Variants in HFM1 observed in about 807,000 individuals in gnomAD.
HFM1 encodes the protein probable ATP-dependent DNA helicase HFM1.
Under a neutral mutation model 192.1 loss-of-function variants are expected in HFM1, and 169 were observed. That is an observed-to-expected ratio of 0.88 (90% CI 0.78 to 1.00). HFM1 has a LOEUF of 1.00. Among genes scored for constraint, HFM1 ranks in the 50% least tolerant of loss-of-function variants. The probability of loss-of-function intolerance (pLI) is 0.00; values close to 1 mark genes in which losing one functional copy is unlikely to be tolerated. For missense variants in HFM1, 1,661 were observed against 1,668.0 expected, an observed-to-expected ratio of 1.00 and a Z score of 0.07; for synonymous variants, 525 against 537.8, an observed-to-expected ratio of 0.98 and a Z score of 0.33.
At chr1:91,375,849 C>A in intron 11 of HFM1, 122 bp from the exon 12 acceptor site, 2 of 695,606 alleles carry the variant, frequency 2.9e-6, no homozygotes, top group Non-Finnish European at 4.9e-6. Context: ...AGTATGCTGT[C>A]TTTTTCAATA....
upstream of HFM1, among the ~76,000 whole-genome samples, chr1:91,407,947 C>G (rs2102254013): frequency 6.6e-6 from 1 of 152,272 alleles, no homozygotes; most frequent in Non-Finnish European, 1.5e-5. Context: ...GGCTGGGCAA[C>G]ACAGCGAGAC....
intron 29 of HFM1, 44 bp from the exon 30 acceptor site, chr1:91,313,539 A>T (rs548586238): frequency 7.3e-7 from 1 of 1,361,270 alleles, no homozygotes; most frequent in Non-Finnish European, 1.0e-6. Flanking sequence ...TTTGTCATAT[A>T]AATCCACATA....
chr1:91,391,742 T>G (rs1663019706), intron 4 of HFM1, among the ~76,000 whole-genome samples: 1 of 152,022 alleles, frequency 6.6e-6, no homozygotes, highest in South Asian at 2.1e-4. Context: ...AAAGCCAAAA[T>G]AAACAAATGG....
intron 13 of HFM1, among the ~76,000 whole-genome samples, chr1:91,369,856 A>G (rs1307517505): frequency 1.3e-5 from 2 of 152,208 alleles, no homozygotes; most frequent in Non-Finnish European, 1.5e-5. Context: ...AGACTAATAA[A>G]GAAGAAAAGA....
chr1:91,353,023 G>T, intron 15 of HFM1, 28 bp downstream of exon 15: 4 of 1,342,500 alleles, frequency 3.0e-6, no homozygotes, highest in South Asian at 1.3e-5. Context: ...ATATTTTATA[G>T]TATCCACGAG....
In HFM1 at chr1:91,274,749, A is replaced by G. The variant is rs767326294; in HGVS notation, c.3649T>C (p.Ser1217Pro). Residue 1217 changes from serine to proline, a missense_variant, in exon 33 of 39, where the codon TCC becomes CCC. Ser to Pro is a moderately conservative substitution (Grantham distance 74, BLOSUM62 -1). Coordinates refer to ENST00000370425, the MANE Select transcript of HFM1 (RefSeq NM_001017975.6). Reference protein sequence around the residue: ...LKEFGFTPKPSLPSISRSEYL... With the variant: ...LKEFGFTPKPPLPSISRSEYL... The stretch of plus-strand genomic sequence containing the variant: ...TTGTACCTTGATATACTAGGAAGGG[A>G]AGGTTTTGGAGTAAAACCAAACTCT... 2 of 1,540,716 alleles carry G rather than the reference A, an allele frequency of 1.3e-6. No individual in the cohort carries two copies. The highest frequency in any genetic ancestry group is 2.3e-5 in the East Asian group (1 of 44,440).
intron 23 of HFM1, among the ~76,000 whole-genome samples, chr1:91,321,255 C>T (rs969385551): frequency 6.6e-6 from 1 of 152,110 alleles, no homozygotes; most frequent in Non-Finnish European, 1.5e-5. Flanking sequence ...ACAAGACTGG[C>T]CAACATGGTG....
chr1:91,275,986 C>A (rs1419250051), intron 32 of HFM1, among the ~76,000 whole-genome samples: 2 of 152,120 alleles, frequency 1.3e-5, no homozygotes, highest in Admixed American at 1.3e-4. Context: ...GCCTCTTCAG[C>A]CTCATCTCTC....
At chr1:91,338,320 G>A (rs1654866634) in intron 20 of HFM1, among the ~76,000 whole-genome samples, 1 of 152,160 alleles carries the variant, frequency 6.6e-6, no homozygotes, top group Non-Finnish European at 1.5e-5. Flanking sequence ...TCCTCTAAGT[G>A]GTTTTGGCCT....
chr1:91,350,275 C>T (rs993623145), intron 18 of HFM1, among the ~76,000 whole-genome samples: 1 of 152,070 alleles, frequency 6.6e-6, no homozygotes, highest in Non-Finnish European at 1.5e-5. Context: ...CCTCTGGAAG[C>T]CACATAACCA....
intron 21 of HFM1, among the ~76,000 whole-genome samples, chr1:91,324,025 T>C (rs1652521583): frequency 6.6e-6 from 1 of 152,248 alleles, no homozygotes; most frequent in African/African-American, 2.4e-5. Flanking sequence ...TATTGTTTCA[T>C]ATTCATGTCC....
In HFM1 at chr1:91,262,262, C is replaced by T. The variant is rs1665232831; in HGVS notation, c.4217G>A (p.Cys1406Tyr). The change falls in exon 38 of 39, where the codon TGT becomes TAT. Residue 1406 changes from cysteine (C) to tyrosine (Y), a missense_variant. By Grantham distance (194) the Cys-to-Tyr change is radical. Coordinates refer to ENST00000370425, the MANE Select transcript of HFM1 (RefSeq NM_001017975.6). Reference sequence around the variant, plus strand: ...TTACCTGAAATCAACTTCCTTTTTACATTCACTGTTTCTAATAAAAAAATC... The same window carrying T: ...TTACCTGAAATCAACTTCCTTTTTATATTCACTGTTTCTAATAAAAAAATC... ...KVDFFIRNSE[C>Y]KKEVDFSMYH... 1.4e-6 allele frequency: 2 copies of T among 1,398,498 alleles called. No homozygotes were observed. The highest frequency in any genetic ancestry group is 2.3e-5 in the East Asian group (1 of 43,214). 86.6% of individuals were successfully genotyped at this position (1,398,498 alleles called of 1,614,324 possible). A position where few individuals can be genotyped will look rare whatever the true frequency, so the allele number is the denominator to read the frequency against.
chr1:91,405,085 C>G (rs1421021395), upstream of HFM1, among the ~76,000 whole-genome samples: 2 of 152,146 alleles, frequency 1.3e-5, no homozygotes, highest in South Asian at 2.1e-4. Context: ...ACCACCACTC[C>G]ACAAACATAC....
chr1:91,351,698 C>T (rs917707203), intron 16 of HFM1, 55 bp from the exon 17 acceptor site: 3 of 876,924 alleles, frequency 3.4e-6, no homozygotes, highest in Non-Finnish European at 5.5e-6. Flanking sequence ...TGGTAGCAGT[C>T]CTCTTCAATA....
In HFM1 at chr1:91,323,212, A is replaced by AG. The variant is rs753146395; in HGVS notation, c.2428-14dup. The AG allele has an allele frequency of 3.1e-5, 41 of 1,317,426 alleles. No homozygotes were observed. The African/African-American group carries it at 5.8e-4, about 19-fold the overall frequency. 81.6% of individuals were successfully genotyped at this position (1,317,426 alleles called of 1,614,324 possible). On this transcript the variant is annotated splice_polypyrimidine_tract_variant and intron_variant, in intron 21 of 38. Coordinates refer to ENST00000370425, the MANE Select transcript of HFM1 (RefSeq NM_001017975.6). ...CTATCAATGTAACCTATAACATTTC[A>AG]GTAGTTGTCCATTTAATGAAGTCTA...
At chr1:91,402,073 TTC>T (rs1166351258) in intron 1 of HFM1, among the ~76,000 whole-genome samples, 3 of 152,148 alleles carry the variant, frequency 2.0e-5, no homozygotes, top group Non-Finnish European at 1.5e-5. Flanking sequence ...TAAATCACAT[TTC>T]TGTTTCTTCT....
intron 30 of HFM1, among the ~76,000 whole-genome samples, chr1:91,283,462 A>G (rs1667645860): frequency 6.6e-6 from 1 of 152,114 alleles, no homozygotes; most frequent in Non-Finnish European, 1.5e-5. Flanking sequence ...CATGTTGCCC[A>G]GGCTGGTCTC....
At chr1:91,272,408 A>G (rs1666390852) in intron 34 of HFM1, among the ~76,000 whole-genome samples, 2 of 152,122 alleles carry the variant, frequency 1.3e-5, no homozygotes, top group Non-Finnish European at 2.9e-5. Context: ...AAACAGGGAT[A>G]GAGTTATTAT....
intron 13 of HFM1, among the ~76,000 whole-genome samples, chr1:91,373,147 T>TA (rs1660458087): frequency 6.8e-4 from 1 of 1,478 alleles, no homozygotes; most frequent in Non-Finnish European, 1.9e-3. Flanking sequence ...TTTTAGTGGA[T>TA]TAAAAAAAAA....
Sources: gnomAD v4.1 joint callset for allele counts (sites outside exome capture counted in the v4.1 genomes callset) on GRCh38, gnomAD v4.1.1 for gene constraint, MANE v1.5 for transcripts, NCBI Gene and HGNC (gene_info 2026-07-23, HGNC 2026-07-21) for gene names.